TWNK: variants seen among roughly 807,000 people sequenced by gnomAD.
The protein encoded by TWNK is twinkle mtDNA helicase.
A neutral mutation model predicts 58.2 loss-of-function variants in TWNK; 36 were observed. The observed-to-expected ratio is 0.62, with a 90% CI of 0.47 to 0.82. TWNK has a LOEUF of 0.82. TWNK is among the 40% of genes least tolerant of loss of function. The probability of loss-of-function intolerance (pLI) is 0.00; values close to 1 mark genes in which losing one functional copy is unlikely to be tolerated. For synonymous variants in TWNK, 349 were observed against 348.5 expected, an observed-to-expected ratio of 1.00 and a Z score of -0.02; for missense variants, 714 against 881.0, an observed-to-expected ratio of 0.81 and a Z score of 2.40.
Position 100,990,968 on chromosome 10 carries a change from T to G in TWNK, c.1692T>G (p.Asp564Glu). ...TCATTCACCCCCGGAAAGAGGATGA[T>G]GACAAGGAACTGCAGACAGCGTCCA... ...TLVIHPRKED[D>E]DKELQTASIF... The change falls in exon 4 of 5, where the codon GAT (aspartate) becomes GAG (glutamate). Residue 564 changes from aspartate (D) to glutamate (E), a missense_variant. Around this residue, in one of 3 missense-constraint regions of TWNK, gnomAD observed 302 missense variants for 438.6 expected, o/e 0.69. Coordinates refer to ENST00000311916, the MANE Select transcript of TWNK (RefSeq NM_021830.5). The G allele has an allele frequency of 6.2e-7, 1 of 1,614,216 alleles. No homozygotes were observed. Among genetic ancestry groups the G allele is most frequent in the South Asian group, 1.1e-5 (1 of 91,088 alleles).
At chr10:100,991,854 A>G (rs1450181059) in intron 4 of TWNK, among the ~76,000 whole-genome samples, 1 of 131,822 alleles carries the variant, frequency 7.6e-6, no homozygotes, top group Non-Finnish European at 1.6e-5. Context: ...TACTAAAAAT[A>G]CAAAAAAAAA....
Position 100,989,579 on chromosome 10 carries a change from G to A in TWNK, c.1244-65G>A. The stretch of plus-strand genomic sequence containing the variant: ...CCTTTCCCCCCAGTTTTAAAGCCCT[G>A]ACCTATGTCTTGGTTTCAAGGGTAG... On this transcript the variant is annotated intron_variant, in intron 1 of 4. Coordinates refer to ENST00000311916, the MANE Select transcript of TWNK (RefSeq NM_021830.5). This position sits in a 1 kb window ranked among gnomAD's most constrained non-coding sequence, Gnocchi z 7.6. 1 of 1,612,246 alleles carries A rather than the reference G, an allele frequency of 6.2e-7. No homozygotes were observed. Among genetic ancestry groups the A allele is most frequent in the South Asian group, 1.1e-5 (1 of 90,806 alleles).
rs779272755 is a variant in TWNK, at chr10:100,990,468, A to G, written c.1517A>G (p.Tyr506Cys). 3.1e-6 allele frequency: 5 copies of G among 1,614,138 alleles called. No homozygotes were observed. The highest frequency in any genetic ancestry group is 1.1e-5 in the South Asian group (1 of 91,076). The change falls in exon 3 of 5, where the codon TAC becomes TGC. Residue 506 changes from tyrosine to cysteine, a missense_variant. Physicochemically the swap from Tyr to Cys is radical, Grantham distance 194. This residue lies in a region of TWNK where 302 missense variants were observed against 438.6 expected (regional missense o/e 0.69). Transcript: ENST00000311916. ...TVIDTMQHAVYVYDICHVIID... is the reference protein window; with the variant it reads ...TVIDTMQHAVCVYDICHVIID... ...ATAGATACAATGCAACATGCAGTCT[A>G]CGTCTATGACATTTGTCATGTGATC...
rs1025931588 is a variant in TWNK, at chr10:100,993,732, T to C, written c.*222T>C. 1.0e-5 allele frequency: 6 copies of C among 579,520 alleles called. No homozygotes were observed. In the African/African-American group the frequency reaches 1.1e-4, roughly 11 times the overall value. 35.9% of individuals were successfully genotyped at this position (579,520 alleles called of 1,614,324 possible). On this transcript the variant is annotated 3_prime_UTR_variant, in exon 5 of 5. Transcript: ENST00000311916. ...GTTTGAGGTCCTGTATATACAGCAC[T>C]GAAAAGAGAGATAAAGTCCCTGCCT...
intron 3 of TWNK, 142 bp from the exon 4 acceptor site, chr10:100,990,727 G>A: frequency 6.3e-7 from 1 of 1,578,436 alleles, no homozygotes. Context: ...TGTATGGACA[G>A]GGATCTGAGT....
rs1490066341 is a variant in TWNK, at chr10:100,988,820, CT to C, written c.612del (p.Val205SerfsTer15). On this transcript the variant is annotated frameshift_variant, in exon 1 of 5. Coordinates refer to ENST00000311916, the MANE Select transcript of TWNK (RefSeq NM_021830.5). LOFTEE classifies it high-confidence loss of function. This position sits in a 1 kb window ranked among gnomAD's most constrained non-coding sequence, Gnocchi z 5.2. ...GCGATATCTGCGACCTGCTCGCAGT[CT>C]TGTCTTCCCTTGGTTCTCCCCTGGG... The part of the protein sequence containing the change: ...SVRYLRPARS[L>X]VFPWFSPGGS... 1.9e-6 allele frequency: 3 copies of C among 1,614,094 alleles called. No homozygotes were observed. Among genetic ancestry groups the C allele is most frequent in the Non-Finnish European group, 8.5e-7 (1 of 1,180,046 alleles).
chr10:100,990,373 A>G, intron 2 of TWNK, 63 bp from the exon 3 acceptor site: 1 of 1,158,850 alleles, frequency 8.6e-7, no homozygotes. Flanking sequence ...TCAGGATGCT[A>G]GTTCTTCTGC....
rs370783985 is a variant in TWNK at position 100,993,980 on chromosome 10, CAG to C, written c.*476_*477del. On this transcript the variant is annotated 3_prime_UTR_variant, in exon 5 of 5. Coordinates refer to ENST00000311916, the MANE Select transcript of TWNK (RefSeq NM_021830.5). ...GAACATCCGGCGAAGGGGACCCAGG[CAG>C]AGAGAAAAGGAAATCCAAGCCCTGA... 5.8e-3 allele frequency: 1,031 copies of C among 178,450 alleles called. 15 individuals are homozygous for C. Among genetic ancestry groups the C allele is most frequent in the African/African-American group, 0.023 (979 of 41,852 alleles). 11.1% of individuals were successfully genotyped at this position (178,450 alleles called of 1,614,324 possible).
Position 100,993,877 on chromosome 10 carries a change from A to G in TWNK, c.*367A>G, listed in dbSNP as rs62626296. On this transcript the variant is annotated 3_prime_UTR_variant, in exon 5 of 5. Coordinates refer to ENST00000311916, the MANE Select transcript of TWNK (RefSeq NM_021830.5). ...ATAGAGTGCTGGCAGGCTAGTGTAG[A>G]TAAGTGGTCTGAAAAGGTGTCTCTG... is the stretch of plus-strand genomic sequence containing the variant. The G allele has an allele frequency of 2.2e-5, 6 of 276,080 alleles. No individual in the cohort carries two copies. The East Asian group carries it at 5.4e-4, about 25-fold the overall frequency. The allele number at this position is 276,080 out of a possible 1,614,324, so 17.1% of individuals were successfully genotyped here. A position where few individuals can be genotyped will look rare whatever the true frequency, so the allele number is the denominator to read the frequency against.
chr10:100,988,743 C>A lies in TWNK; in HGVS notation c.533C>A (p.Thr178Lys). 6.2e-7 allele frequency: 1 copy of A among 1,614,174 alleles called. No homozygotes were observed. The highest frequency in any genetic ancestry group is 8.5e-7 in the Non-Finnish European group (1 of 1,180,036). ...PDQEEVQLAD[T>K]MFGLTKVTDD... ...CAGGAGGAGGTTCAGCTGGCTGATACAATGTTTGGCCTTACCAAGGTTACA... is the reference window on the plus strand; with the variant it reads ...CAGGAGGAGGTTCAGCTGGCTGATAAAATGTTTGGCCTTACCAAGGTTACA... The change falls in exon 1 of 5, where the codon ACA becomes AAA. Residue 178 changes from threonine to lysine, a missense_variant. Coordinates refer to ENST00000311916, the MANE Select transcript of TWNK (RefSeq NM_021830.5). The surrounding 1 kb of genome is among the most constrained non-coding windows in gnomAD (Gnocchi z 5.2).
Position 100,989,599 on chromosome 10 carries a change from G to C in TWNK, c.1244-45G>C. On this transcript the variant is annotated intron_variant, in intron 1 of 4. Coordinates refer to ENST00000311916, the MANE Select transcript of TWNK (RefSeq NM_021830.5). This position sits in a 1 kb window ranked among gnomAD's most constrained non-coding sequence, Gnocchi z 7.6. ...GCCCTGACCTATGTCTTGGTTTCAA[G>C]GGTAGGACTTCCTCCTCACCCAGGT... The C allele has an allele frequency of 1.2e-6, 2 of 1,613,080 alleles. No homozygotes were observed. Among genetic ancestry groups the C allele is most frequent in the Non-Finnish European group, 1.7e-6 (2 of 1,180,020 alleles).
chr10:100,988,592 A>C lies in TWNK; in HGVS notation c.382A>C (p.Ser128Arg). 6.2e-7 allele frequency: 1 copy of C among 1,613,954 alleles called. No individual in the cohort carries two copies. The highest frequency in any genetic ancestry group is 1.1e-5 in the South Asian group (1 of 91,086). ...AGGGAGCTGGGAAGACTTCCAGGCC[A>C]GCGTGGAGGGGCGAGGGGATGGGGC... ...AEGSWEDFQA[S>R]VEGRGDGARE... The change falls in exon 1 of 5, where the codon AGC (serine) becomes CGC (arginine). Residue 128 changes from serine (S) to arginine (R), a missense_variant. Around this residue, in one of 3 missense-constraint regions of TWNK, gnomAD observed 348 missense variants for 388.4 expected, o/e 0.90. Transcript: ENST00000311916. The surrounding 1 kb of genome is among the most constrained non-coding windows in gnomAD (Gnocchi z 5.2).
rs1422846596 is a variant in TWNK at position 100,990,463 on chromosome 10, A to C, written c.1512A>C (p.Ala504=). ...IRTVIDTMQH[A]VYVYDICHVI... is the part of the protein sequence containing the mutation. ...CTGTAATAGATACAATGCAACATGCAGTCTACGTCTATGACATTTGTCATG... is the reference window on the plus strand; with the variant it reads ...CTGTAATAGATACAATGCAACATGCCGTCTACGTCTATGACATTTGTCATG... Residue 504 remains alanine (A), a synonymous_variant, in exon 3 of 5, where the codon GCA becomes GCC. Transcript: ENST00000311916. The C allele has an allele frequency of 6.2e-7, 1 of 1,614,156 alleles. No individual in the cohort carries two copies. Among genetic ancestry groups the C allele is most frequent in the Non-Finnish European group, 8.5e-7 (1 of 1,179,970 alleles).
chr10:100,993,125 C>G, intron 4 of TWNK, 65 bp from the exon 5 acceptor site: 1 of 1,537,428 alleles, frequency 6.5e-7, no homozygotes, highest in Non-Finnish European at 9.0e-7. Flanking sequence ...CCCTGTCAGC[C>G]CCCCTTTCTG....
Position 100,988,475 on chromosome 10 carries a change from C to T in TWNK, c.265C>T (p.Gln89Ter). 6.2e-7 allele frequency: 1 copy of T among 1,614,258 alleles called. No homozygotes were observed. Residue 89 changes from glutamine to a stop codon, truncating the protein, a stop_gained, in exon 1 of 5, where the codon CAG becomes TAG. Transcript: ENST00000311916. LOFTEE classifies it high-confidence loss of function. This position sits in a 1 kb window ranked among gnomAD's most constrained non-coding sequence, Gnocchi z 5.2. ...RALSPFAESS[Q>*]LKGQTGVTTS... ...ACTGAGCCCCTTTGCAGAGTCTTCA[C>T]AGCTCAAAGGCCAGACTGGTGTTAC...
Position 100,989,284 on chromosome 10 carries a change from C to A in TWNK, c.1074C>A (p.Thr358=), listed in dbSNP as rs777394722. The A allele has an allele frequency of 1.9e-6, 3 of 1,614,034 alleles. No homozygotes were observed. The highest frequency in any genetic ancestry group is 2.5e-6 in the Non-Finnish European group (3 of 1,180,042). The change falls in exon 1 of 5, where the codon ACC becomes ACA. Residue 358 remains threonine (T), a synonymous_variant. Transcript: ENST00000311916. This position sits in a 1 kb window ranked among gnomAD's most constrained non-coding sequence, Gnocchi z 7.6. ...GGFNLSRILR[T]ALPAWHKSIV... The stretch of plus-strand genomic sequence containing the variant: ...TCAATCTTTCTCGTATTCTTCGTAC[C>A]GCCCTGCCTGCCTGGCACAAGTCCA...
rs62626293 is a variant in TWNK at position 100,993,357 on chromosome 10, C to A, written c.1902C>A (p.Asn634Lys). Residue 634 changes from asparagine to lysine, a missense_variant, in exon 5 of 5, where the codon AAC (asparagine) becomes AAA (lysine). Asn to Lys is a moderately conservative substitution (Grantham distance 94). Transcript: ENST00000311916. ...TCACCTTCTCCATTCCACCAAAGAA[C>A]AAGGCCCGGCTCAAGAAGATCAAGG... ...NSLTFSIPPK[N>K]KARLKKIKDD... 16 of 1,614,092 alleles carry A rather than the reference C, an allele frequency of 9.9e-6. No homozygotes were observed. The highest frequency in any genetic ancestry group is 1.4e-5 in the Non-Finnish European group (16 of 1,180,056).
At position 100,987,590 on chromosome 10, in the gene TWNK, G is replaced by A; in HGVS notation, c.-621G>A. 4.0e-6 allele frequency: 5 copies of A among 1,237,654 alleles called. No individual in the cohort carries two copies. The highest frequency in any genetic ancestry group is 5.5e-6 in the Non-Finnish European group (5 of 915,878). The allele number at this position is 1,237,654 out of a possible 1,614,324, so 76.7% of individuals were successfully genotyped here. On this transcript the variant is annotated 5_prime_UTR_variant, in exon 1 of 5. Transcript: ENST00000311916. The stretch of plus-strand genomic sequence containing the variant: ...GCATGTGCGGGAGACTCACGTTGCC[G>A]GCGAAGTGGGAGAGAGAAAAGTGGT...
In TWNK at chr10:100,989,494, A is replaced by G. The variant is rs1851707156; in HGVS notation, c.1243+41A>G. 2.5e-6 allele frequency: 4 copies of G among 1,611,514 alleles called. No individual in the cohort carries two copies. The highest frequency in any genetic ancestry group is 3.4e-6 in the Non-Finnish European group (4 of 1,179,742). ...ATCACTACTTAGAGTAAAGGGGCAGAAGATCAGGTGACAAAAGCAAGTGGG... is the reference window on the plus strand; with the variant it reads ...ATCACTACTTAGAGTAAAGGGGCAGGAGATCAGGTGACAAAAGCAAGTGGG... On this transcript the variant is annotated intron_variant, in intron 1 of 4. Transcript: ENST00000311916. This position sits in a 1 kb window ranked among gnomAD's most constrained non-coding sequence, Gnocchi z 7.6.
Sources: gnomAD v4.1 joint callset for allele counts (sites outside exome capture counted in the v4.1 genomes callset) on GRCh38, gnomAD v4.1.1 for gene constraint, gnomAD v4.1.1 regional missense constraint, Gnocchi (gnomAD v3.1) non-coding constraint, MANE v1.5 for transcripts, NCBI Gene and HGNC (gene_info 2026-07-23, HGNC 2026-07-21) for gene names.